The following CNBD1 variants were observed in gnomAD, a reference collection of about 807,000 sequenced individuals.
The protein encoded by CNBD1 is cyclic nucleotide binding domain containing 1.
Under a neutral mutation model 54.4 loss-of-function variants are expected in CNBD1, and 71 were observed. The observed-to-expected ratio is 1.30, with a 90% CI of 1.08 to 1.59. The LOEUF (loss-of-function observed/expected upper bound fraction) is 1.59, where lower values mean the gene tolerates loss of function less well. Ranked by LOEUF, CNBD1 falls within the 40% of genes most tolerant of loss-of-function variation. The pLI, the probability that CNBD1 is intolerant of heterozygous loss-of-function variation, is 0.00. For missense variants in CNBD1, 659 were observed against 518.0 expected (o/e 1.27, Z -2.64); for synonymous variants, 182 against 170.7 (o/e 1.07, Z -0.51).
At chr8:87,396,540 C>G (rs78636002) in intron 2 of CNBD1, among the ~76,000 whole-genome samples, 2,862 of 151,832 alleles carry the variant, frequency 0.019, 89 homozygotes, top group African/African-American at 0.062. Flanking sequence ...GAAGAATTGA[C>G]TTTTATATTT....
intron 4 of CNBD1, among the ~76,000 whole-genome samples, chr8:86,987,422 T>C (rs1388928180): frequency 6.6e-6 from 1 of 152,198 alleles, no homozygotes; most frequent in African/African-American, 2.4e-5. Flanking sequence ...TTTAGCATTT[T>C]GTAGGTATAG....
chr8:87,417,236 G>C (rs776458515), intron 2 of CNBD1, among the ~76,000 whole-genome samples: 9 of 151,914 alleles, frequency 5.9e-5, no homozygotes, highest in Non-Finnish European at 1.3e-4. Context: ...AGTGAATGTG[G>C]AGGGGAACTG....
At chr8:87,186,311 G>T (rs1157946450) in intron 4 of CNBD1, among the ~76,000 whole-genome samples, 1 of 151,852 alleles carries the variant, frequency 6.6e-6, no homozygotes, top group East Asian at 1.9e-4. Flanking sequence ...AATAAATTCT[G>T]CATAATATTT....
At chr8:87,284,853 G>T in intron 7 of CNBD1, 38 bp downstream of exon 7, 2 of 1,416,970 alleles carry the variant, frequency 1.4e-6, no homozygotes, top group Non-Finnish European at 1.9e-6. Flanking sequence ...AACAAAAATT[G>T]GGCATAAACT....
At chr8:86,931,446 T>TGGGCAAGG (rs1345708058) in intron 3 of CNBD1, among the ~76,000 whole-genome samples, 2 of 150,684 alleles carry the variant, frequency 1.3e-5, no homozygotes, top group Non-Finnish European at 3.0e-5. Flanking sequence ...ATAGTGGACA[T>TGGGCAAGG]GGGCAAGGGG....
chr8:86,879,735 G>A (rs1169250666), intron 1 of CNBD1, among the ~76,000 whole-genome samples: 1 of 152,106 alleles, frequency 6.6e-6, no homozygotes, highest in Non-Finnish European at 1.5e-5. Flanking sequence ...AGCTGGACAT[G>A]GTGGCGGGCG....
chr8:87,341,025 A>G (rs1810053233), intron 8 of CNBD1, among the ~76,000 whole-genome samples: 1 of 152,118 alleles, frequency 6.6e-6, no homozygotes. Flanking sequence ...TTTCATACAT[A>G]CGTTCATACA....
chr8:87,128,407 G>A (rs144454855), intron 4 of CNBD1, among the ~76,000 whole-genome samples: 4 of 152,270 alleles, frequency 2.6e-5, no homozygotes, highest in Middle Eastern at 3.4e-3. Flanking sequence ...GCTCCCTCTC[G>A]TGAAGGGGGT....
intron 2 of CNBD1, among the ~76,000 whole-genome samples, chr8:87,398,224 C>G (rs1324276948): frequency 8.3e-6 from 1 of 120,046 alleles, no homozygotes; most frequent in African/African-American, 3.9e-5. Flanking sequence ...TCTTATAAAT[C>G]TATTTTCTGG....
In CNBD1 at chr8:87,390,387, T is replaced by C. The variant is rs976843287; in HGVS notation, c.213+36601T>C. Among the ~76,000 whole-genome samples, 16 of 151,980 alleles carry C rather than the reference T, an allele frequency of 1.1e-4. 1 individual carries two copies. The highest frequency in any genetic ancestry group is 5.9e-4 in the Admixed American group (9 of 15,250). On this transcript the variant is annotated intron_variant, in intron 2 of 7. Coordinates refer to the CNBD1 transcript ENST00000521593. Reference sequence around the variant, plus strand: ...TAATATCCAGAATCTACAATGAACTTAAACAAATTTACAAGAAAAAACCCC... The same window carrying C: ...TAATATCCAGAATCTACAATGAACTCAAACAAATTTACAAGAAAAAACCCC...
intron 3 of CNBD1, among the ~76,000 whole-genome samples, chr8:86,936,761 AT>A (rs1265097420): frequency 6.8e-5 from 10 of 146,064 alleles, no homozygotes; most frequent in Non-Finnish European, 9.1e-5. Flanking sequence ...AAAAAAAAAA[AT>A]CTATAGGGAT....
intron 4 of CNBD1, among the ~76,000 whole-genome samples, chr8:87,055,068 T>G (rs1810385615): frequency 6.6e-6 from 1 of 152,174 alleles, no homozygotes; most frequent in African/African-American, 2.4e-5. Context: ...AAGCCCACAC[T>G]AATAAAACAG....
At chr8:87,054,901 T>C (rs1810382593) in intron 4 of CNBD1, among the ~76,000 whole-genome samples, 1 of 152,198 alleles carries the variant, frequency 6.6e-6, no homozygotes, top group South Asian at 2.1e-4. Flanking sequence ...CCCTGAGTCT[T>C]GTAAGACTGG....
intron 3 of CNBD1, among the ~76,000 whole-genome samples, chr8:86,913,875 C>T (rs1809143066): frequency 6.6e-6 from 1 of 152,060 alleles, no homozygotes; most frequent in South Asian, 2.1e-4. Context: ...GCAGAACCTC[C>T]CAGGGCAGCC....
At chr8:86,954,315 A>T (rs1807703309) in intron 4 of CNBD1, among the ~76,000 whole-genome samples, 1 of 152,210 alleles carries the variant, frequency 6.6e-6, no homozygotes, top group Non-Finnish European at 1.5e-5. Context: ...AGATTCTTAT[A>T]AATCTTTTAT....
intron 4 of CNBD1, among the ~76,000 whole-genome samples, chr8:86,941,642 CAGG>C (rs1287319385): frequency 2.0e-5 from 3 of 152,044 alleles, no homozygotes; most frequent in Admixed American, 6.6e-5. Flanking sequence ...GTCAAAATAC[CAGG>C]AGGTAAATCT....
rs1234686379 is a variant in CNBD1 at position 87,421,350 on chromosome 8, T to G, written c.214-7196T>G. Among the ~76,000 whole-genome samples, 4 of 151,940 alleles carry G rather than the reference T, an allele frequency of 2.6e-5. No homozygotes were observed. The East Asian group carries it at 7.8e-4, about 30-fold the overall frequency. ...CAGGTTAGTTACATAGGTATACATG[T>G]GCCATGCTGGTGTGCTGCACCCACT... On this transcript the variant is annotated intron_variant, in intron 2 of 7. Transcript: ENST00000521593.
intron 10 of CNBD1, among the ~76,000 whole-genome samples, chr8:87,357,697 G>T (rs1268701715): frequency 2.0e-5 from 3 of 152,140 alleles, no homozygotes; most frequent in African/African-American, 7.2e-5. Context: ...CTTTTGAGTT[G>T]ATGCTAGAAT....
At chr8:87,198,516 C>T (rs1032998467) in intron 4 of CNBD1, among the ~76,000 whole-genome samples, 3 of 152,240 alleles carry the variant, frequency 2.0e-5, no homozygotes, top group Non-Finnish European at 2.9e-5. Context: ...AACAATATCC[C>T]GAGGACATTC....
Sources: allele counts gnomAD v4.1 joint callset (sites outside exome capture counted in the v4.1 genomes callset), GRCh38; gene constraint gnomAD v4.1.1; transcripts MANE v1.5; gene names NCBI Gene and HGNC (gene_info 2026-07-23, HGNC 2026-07-21).